The following PAPPA variants were observed in gnomAD, a reference collection of about 807,000 sequenced individuals.
PAPPA encodes pappalysin 1, also known as pappalysin-1.
In PAPPA, 60 loss-of-function variants were observed where a neutral mutation model predicts 164.0. The observed-to-expected ratio is 0.37, with a 90% CI of 0.30 to 0.45. PAPPA has a LOEUF of 0.45. PAPPA is among the 20% of genes least tolerant of loss of function. The probability of loss-of-function intolerance (pLI) is 1.00; values close to 1 mark genes in which losing one functional copy is unlikely to be tolerated. For missense variants in PAPPA, 1,782 were observed against 2,087.3 expected (o/e 0.85, Z 2.85); for synonymous variants, 875 against 814.1 (o/e 1.07, Z -1.27).
intron 7 of PAPPA, among the ~76,000 whole-genome samples, chr9:116,247,895 C>T (rs1251056987): frequency 6.6e-6 from 1 of 152,164 alleles, no homozygotes; most frequent in Non-Finnish European, 1.5e-5. Context: ...ATTGTTTAAG[C>T]TTAAGTTCCT....
intron 10 of PAPPA, among the ~76,000 whole-genome samples, chr9:116,326,342 C>A (rs1036841634): frequency 6.6e-6 from 1 of 152,086 alleles, no homozygotes; most frequent in Non-Finnish European, 1.5e-5. Flanking sequence ...GACAACAAAG[C>A]TGTGACCTGA....
chr9:116,258,170 A>G (rs1370364607), intron 7 of PAPPA, among the ~76,000 whole-genome samples: 1 of 152,066 alleles, frequency 6.6e-6, no homozygotes, highest in Non-Finnish European at 1.5e-5. Flanking sequence ...ATACACTGAT[A>G]CATTCAATGA....
Position 116,344,658 on chromosome 9 carries a change from C to T in PAPPA, c.3727C>T (p.Arg1243Trp), listed in dbSNP as rs372215881. ...CGGTGCCCAGTGTACTGTGAGCTGC[C>T]GGACAGGCTACGTGCTCCAGATACG... ...YHGAQCTVSC[R>W]TGYVLQIRRD... Residue 1243 changes from arginine (R) to tryptophan (W), a missense_variant, in exon 14 of 22, where the codon CGG becomes TGG. Physicochemically the swap from Arg to Trp is moderately radical, Grantham distance 101. Around this residue, in one of 2 missense-constraint regions of PAPPA, gnomAD observed 1,324 missense variants for 1,656.9 expected, o/e 0.80. Coordinates refer to ENST00000328252, the MANE Select transcript of PAPPA (RefSeq NM_002581.5). 111 of 1,613,978 alleles carry T rather than the reference C, an allele frequency of 6.9e-5. No individual in the cohort carries two copies. The highest frequency in any genetic ancestry group is 4.2e-4 in the East Asian group (19 of 44,892).
intron 2 of PAPPA, 136 bp from the exon 3 acceptor site, chr9:116,207,320 G>C: frequency 1.7e-6 from 1 of 604,836 alleles, no homozygotes; most frequent in Non-Finnish European, 2.8e-6. Context: ...TAATATTATT[G>C]GGGGAATTCA....
rs1189858884 is a variant in PAPPA, at chr9:116,327,688, G to A, written c.3148-3556G>A. 2.0e-5 allele frequency among the ~76,000 whole-genome samples: 3 copies of A among 152,132 alleles called. No homozygotes were observed. The South Asian group carries it at 6.2e-4, about 32-fold the overall frequency. On this transcript the variant is annotated intron_variant, in intron 10 of 21. Coordinates refer to ENST00000328252, the MANE Select transcript of PAPPA (RefSeq NM_002581.5). ...CTTAGTGGCCAACTTTGTATCATGGGCAAGGCTCTTTTGTTTGCAGTTCTC... is the reference window on the plus strand; with the variant it reads ...CTTAGTGGCCAACTTTGTATCATGGACAAGGCTCTTTTGTTTGCAGTTCTC...
intron 17 of PAPPA, among the ~76,000 whole-genome samples, chr9:116,355,244 A>G (rs1050753180): frequency 6.6e-6 from 1 of 152,246 alleles, no homozygotes; most frequent in African/African-American, 2.4e-5. Context: ...GTAGGTACTC[A>G]GGAAATGTCA....
At chr9:116,277,264 TC>T (rs1845210653) in intron 9 of PAPPA, among the ~76,000 whole-genome samples, 1 of 152,098 alleles carries the variant, frequency 6.6e-6, no homozygotes, top group African/African-American at 2.4e-5. Context: ...GTAGTAACTT[TC>T]CCCAGAACAC....
intron 2 of PAPPA, among the ~76,000 whole-genome samples, chr9:116,198,142 A>G (rs1034753799): frequency 6.6e-6 from 1 of 152,200 alleles, no homozygotes; most frequent in Non-Finnish European, 1.5e-5. Context: ...TTGATGCTCC[A>G]AGAAGGAAGT....
intron 9 of PAPPA, among the ~76,000 whole-genome samples, chr9:116,290,907 T>C (rs1845428205): frequency 6.6e-6 from 1 of 152,114 alleles, no homozygotes; most frequent in Non-Finnish European, 1.5e-5. Context: ...TTATAGACCT[T>C]TGGGTCCTAG....
intron 20 of PAPPA, among the ~76,000 whole-genome samples, chr9:116,379,470 C>T (rs998857236): frequency 6.6e-6 from 1 of 152,134 alleles, no homozygotes; most frequent in African/African-American, 2.4e-5. Context: ...TCTGGGAATA[C>T]ATTGGTGTTA....
At position 116,188,247 on chromosome 9, in the gene PAPPA, T is replaced by C. The variant is rs747448516; in HGVS notation, c.1478+31T>C. Reference sequence around the variant, plus strand: ...ACCTTACTGGGCTAAAGATGCCCAGTTGAAAGTTGAACTTGATGTCCTCCA... The same window carrying C: ...ACCTTACTGGGCTAAAGATGCCCAGCTGAAAGTTGAACTTGATGTCCTCCA... On this transcript the variant is annotated intron_variant, in intron 2 of 21. Transcript: ENST00000328252. 1.2e-5 allele frequency: 18 copies of C among 1,520,028 alleles called. No homozygotes were observed. In the East Asian group the frequency reaches 1.4e-4, roughly 12 times the overall value. The allele number at this position is 1,520,028 out of a possible 1,614,324, so 94.2% of individuals were successfully genotyped here.
chr9:116,287,989 T>C (rs1011445165), intron 9 of PAPPA, among the ~76,000 whole-genome samples: 1 of 152,194 alleles, frequency 6.6e-6, no homozygotes, highest in African/African-American at 2.4e-5. Context: ...TTCGTGAACA[T>C]GAATAGTTAT....
chr9:116,383,506 G>C (rs192018158), intron 21 of PAPPA, among the ~76,000 whole-genome samples: 4 of 149,040 alleles, frequency 2.7e-5, no homozygotes, highest in Admixed American at 6.8e-5. Flanking sequence ...AAAGAGGAAT[G>C]ATTTGTCCCA....
At position 116,202,060 on chromosome 9, in the gene PAPPA, G is replaced by A. The variant is rs528367238; in HGVS notation, c.1479-5396G>A. ...TCCACTGAAGAGTGACCTGCTTTGA[G>A]TGGGAATAGAAATTGAGAGTCCTCA... On this transcript the variant is annotated intron_variant, in intron 2 of 21. Transcript: ENST00000328252. Among the ~76,000 whole-genome samples, 15 of 152,298 alleles carry A rather than the reference G, an allele frequency of 9.8e-5. No homozygotes were observed. In the South Asian group the frequency reaches 3.1e-3, roughly 32 times the overall value.
intron 8 of PAPPA, among the ~76,000 whole-genome samples, chr9:116,268,370 C>T (rs1470905535): frequency 1.3e-5 from 2 of 152,202 alleles, no homozygotes; most frequent in East Asian, 3.8e-4. Flanking sequence ...GATAAAGTTG[C>T]TGTCTGATGG....
chr9:116,320,693 C>A (rs990666831), intron 10 of PAPPA, among the ~76,000 whole-genome samples: 1 of 152,122 alleles, frequency 6.6e-6, no homozygotes, highest in African/African-American at 2.4e-5. Flanking sequence ...TGGCTCCCCC[C>A]TCTCTTTTTT....
rs112404338 is a variant in PAPPA, at chr9:116,218,486, T to C, written c.1919-1451T>C. ...TCTGGGAAGTGGTGTTTTTGGAAAT[T>C]AAGCCAAAACAGTGCATTGCCCTGT... On this transcript the variant is annotated intron_variant, in intron 4 of 21. Coordinates refer to ENST00000328252, the MANE Select transcript of PAPPA (RefSeq NM_002581.5). 1.1e-4 allele frequency among the ~76,000 whole-genome samples: 16 copies of C among 152,280 alleles called. 1 individual carries two copies. The highest frequency in any genetic ancestry group is 3.8e-4 in the African/African-American group (16 of 41,566).
intron 17 of PAPPA, 83 bp from the exon 18 acceptor site, chr9:116,362,508 AT>A: frequency 6.9e-7 from 1 of 1,442,502 alleles, no homozygotes; most frequent in Admixed American, 2.2e-5. Context: ...GAGATGAAAA[AT>A]TCTTTTCTGT....
chr9:116,296,565 T>C (rs970507556), intron 9 of PAPPA, among the ~76,000 whole-genome samples: 3 of 152,050 alleles, frequency 2.0e-5, no homozygotes, highest in Non-Finnish European at 2.9e-5. Flanking sequence ...GGAAGAAATC[T>C]AGGAACTGTG....
Sources: allele counts gnomAD v4.1 joint callset (sites outside exome capture counted in the v4.1 genomes callset), GRCh38; gene constraint gnomAD v4.1.1; regional missense constraint gnomAD v4.1.1; transcripts MANE v1.5; gene names NCBI Gene and HGNC (gene_info 2026-07-23, HGNC 2026-07-21).